Variants in ELOB observed in about 807,000 individuals in gnomAD.
ELOB encodes the protein elongin B.
In ELOB, 3 loss-of-function variants were observed where a neutral mutation model predicts 12.9. The observed-to-expected ratio is 0.23, with a 90% CI of 0.11 to 0.60. The LOEUF is 0.60. Ranked by LOEUF, ELOB falls within the 20% of genes least tolerant of loss-of-function variation. The pLI, the probability that ELOB is intolerant of heterozygous loss-of-function variation, is 0.89. For missense variants in ELOB, 126 were observed against 159.2 expected (o/e 0.79, Z 1.12); for synonymous variants, 84 against 67.4 (o/e 1.25, Z -1.21).
In ELOB at chr16:2,771,947, C is replaced by A; in HGVS notation, c.*43G>T. The A allele has an allele frequency of 6.3e-7, 1 of 1,590,850 alleles. No individual in the cohort carries two copies. The highest frequency in any genetic ancestry group is 1.4e-5 in the African/African-American group (1 of 73,714). On this transcript the variant is annotated 3_prime_UTR_variant, in exon 4 of 4. Coordinates refer to ENST00000409906, the MANE Select transcript of ELOB (RefSeq NM_007108.4). Reference sequence around the variant, plus strand: ...AAAAGAGGCAGCAACCAGGCAGACTCCCAAATCTCTTTTATTGGGGGAAAT... The same window carrying A: ...AAAAGAGGCAGCAACCAGGCAGACTACCAAATCTCTTTTATTGGGGGAAAT...
chr16:2,773,866 G>A (rs1425011825), intron 3 of ELOB, among the ~76,000 whole-genome samples: 1 of 152,192 alleles, frequency 6.6e-6, no homozygotes, highest in East Asian at 1.9e-4. Context: ...CACTTCTGGG[G>A]GAACACAGCC....
chr16:2,771,930 C>T lies in ELOB; in HGVS notation c.*60G>A, dbSNP rs903227708. 5.1e-6 allele frequency: 8 copies of T among 1,560,224 alleles called. No homozygotes were observed. The African/African-American group carries it at 1.1e-4, about 21-fold the overall frequency. On this transcript the variant is annotated 3_prime_UTR_variant, in exon 4 of 4. Coordinates refer to ENST00000409906, the MANE Select transcript of ELOB (RefSeq NM_007108.4). ...CCCAGGGAGGGGCGGGAAAAAGAGG[C>T]AGCAACCAGGCAGACTCCCAAATCT...
chr16:2,775,455 C>G lies in ELOB; in HGVS notation c.240G>C (p.Arg80=), dbSNP rs781371700. 1.1e-5 allele frequency: 17 copies of G among 1,599,412 alleles called. No individual in the cohort carries two copies. The African/African-American group carries it at 1.5e-4, about 14-fold the overall frequency. ...QAPATVGLAF[R]ADDTFEALCI... ...AGTGGGTGGTGGGCCTCTCACCTGC[C>G]CGGAAGGCCAGCCCCACTGTGGCTG... is the stretch of plus-strand genomic sequence containing the variant. Residue 80 remains arginine, a synonymous_variant, in exon 3 of 4, where the codon CGG becomes CGC. Coordinates refer to ENST00000409906, the MANE Select transcript of ELOB (RefSeq NM_007108.4).
intron 2 of ELOB, 187 bp from the exon 3 acceptor site, chr16:2,775,743 C>T (rs2068795972): frequency 2.1e-6 from 1 of 486,536 alleles, no homozygotes; most frequent in Non-Finnish European, 3.6e-6. Flanking sequence ...AAATCAAAAC[C>T]TCCCAGGGTG....
In ELOB at chr16:2,771,475, C is replaced by T. The variant is rs1007909655; in HGVS notation, c.*515G>A. 1 of 1,614,212 alleles carries T rather than the reference C, an allele frequency of 6.2e-7. No individual in the cohort carries two copies. Among genetic ancestry groups the T allele is most frequent in the Non-Finnish European group, 8.5e-7 (1 of 1,180,024 alleles). On this transcript the variant is annotated 3_prime_UTR_variant, in exon 4 of 4. Transcript: ENST00000409906. ...GGGCAGCCACTTCCCTCCGTGATTA[C>T]AGCCCCCAGCGTGGGTGGACCTGTG... is the stretch of plus-strand genomic sequence containing the variant.
chr16:2,772,538 CAAAAAAAAAA>C (rs34936144), intron 3 of ELOB: 4 of 71,732 alleles, frequency 5.6e-5, no homozygotes, highest in Non-Finnish European at 8.3e-5. Context: ...ACTAAAAATA[CAAAAAAAAAA>C]AAAAAAAAAA....
Position 2,771,958 on chromosome 16 carries a change from T to C in ELOB, c.*32A>G, listed in dbSNP as rs1278425101. 3.2e-6 allele frequency: 5 copies of C among 1,581,748 alleles called. No homozygotes were observed. Among genetic ancestry groups the C allele is most frequent in the Admixed American group, 1.9e-5 (1 of 53,782 alleles). On this transcript the variant is annotated 3_prime_UTR_variant, in exon 4 of 4. Transcript: ENST00000409906. ...CAACCAGGCAGACTCCCAAATCTCT[T>C]TTATTGGGGGAAATGGGCCTCTTGG...
chr16:2,772,042 A>C lies in ELOB; in HGVS notation c.305T>G (p.Val102Gly). Residue 102 changes from valine (V) to glycine (G), a missense_variant, in exon 4 of 4, where the codon GTG becomes GGG. Val to Gly is a moderately radical substitution (Grantham distance 109, BLOSUM62 -3). Coordinates refer to ENST00000409906, the MANE Select transcript of ELOB (RefSeq NM_007108.4). Reference sequence around the variant, plus strand: ...GCTTCCCGAGTCCTGGGGCTTCATCACATCGGGCAGCTCTGGCGGGCTGGA... The same window carrying C: ...GCTTCCCGAGTCCTGGGGCTTCATCCCATCGGGCAGCTCTGGCGGGCTGGA... ...PFSSPPELPDVMKPQDSGSSA... is the reference protein window; with the variant it reads ...PFSSPPELPDGMKPQDSGSSA... 6.2e-7 allele frequency: 1 copy of C among 1,613,386 alleles called. No homozygotes were observed. The highest frequency in any genetic ancestry group is 8.5e-7 in the Non-Finnish European group (1 of 1,179,638).
At position 2,776,970 on chromosome 16, in the gene ELOB, C is replaced by T; in HGVS notation, c.138+23G>A. On this transcript the variant is annotated intron_variant, in intron 2 of 3. Transcript: ENST00000409906. Reference sequence around the variant, plus strand: ...TGCCCGGCGCCGGGTACCCGCTCCCCTCGGCCCGCCCGCGGGACCCACCTT... The same window carrying T: ...TGCCCGGCGCCGGGTACCCGCTCCCTTCGGCCCGCCCGCGGGACCCACCTT... The T allele has an allele frequency of 2.6e-6, 4 of 1,548,414 alleles. No homozygotes were observed. The East Asian group carries it at 7.3e-5, about 28-fold the overall frequency.
In ELOB at chr16:2,771,499, T is replaced by G. The variant is rs2068746930; in HGVS notation, c.*491A>C. On this transcript the variant is annotated 3_prime_UTR_variant, in exon 4 of 4. Coordinates refer to ENST00000409906, the MANE Select transcript of ELOB (RefSeq NM_007108.4). ...ACAGCCCCCAGCGTGGGTGGACCTGTGTGGGTCCGTCTTGGGGTTCCCTCG... is the reference window on the plus strand; with the variant it reads ...ACAGCCCCCAGCGTGGGTGGACCTGGGTGGGTCCGTCTTGGGGTTCCCTCG... 3 of 1,614,214 alleles carry G rather than the reference T, an allele frequency of 1.9e-6. No homozygotes were observed. Among genetic ancestry groups the G allele is most frequent in the Admixed American group, 1.7e-5 (1 of 60,022 alleles).
At chr16:2,777,170 C>A (rs542432329) in intron 1 of ELOB, 43 bp from the exon 2 acceptor site, 255 of 1,175,916 alleles carry the variant, frequency 2.2e-4, no homozygotes, top group Admixed American at 1.0e-3. Flanking sequence ...CCGGGCCCCC[C>A]GCGCGGCCCA....
chr16:2,772,847 C>G (rs540798564), intron 3 of ELOB, among the ~76,000 whole-genome samples: 5 of 52,938 alleles, frequency 9.4e-5, no homozygotes, highest in African/African-American at 3.2e-4. Flanking sequence ...GGCTCTGGCT[C>G]TCTATGTTCT....
At chr16:2,776,859 G>C (rs1394737546) in intron 2 of ELOB, 134 bp downstream of exon 2, 1 of 1,249,120 alleles carries the variant, frequency 8.0e-7, no homozygotes, top group Non-Finnish European at 1.1e-6. Flanking sequence ...CCCGCACAAC[G>C]GATGTCCCAG....
chr16:2,775,468 C>T lies in ELOB; in HGVS notation c.227G>A (p.Gly76Glu). The T allele has an allele frequency of 6.2e-7, 1 of 1,603,828 alleles. No homozygotes were observed. Among genetic ancestry groups the T allele is most frequent in the Non-Finnish European group, 8.5e-7 (1 of 1,179,468 alleles). ...CCTCTCACCTGCCCGGAAGGCCAGC[C>T]CCACTGTGGCTGGGGCCTGTGGCCG... ...TARPQAPATV[G>E]LAFRADDTFE... The change falls in exon 3 of 4, where the codon GGG becomes GAG. Residue 76 changes from glycine (G) to glutamate (E), a missense_variant. Coordinates refer to ENST00000409906, the MANE Select transcript of ELOB (RefSeq NM_007108.4).
intron 2 of ELOB, 121 bp downstream of exon 2, chr16:2,776,872 C>A (rs1186579158): frequency 4.4e-6 from 6 of 1,361,034 alleles, no homozygotes; most frequent in East Asian, 3.0e-5. Context: ...TGTCCCAGTC[C>A]CGCGGCTCGG....
rs909812403 is a variant in ELOB, at chr16:2,771,855, G to C, written c.*135C>G. 4.1e-6 allele frequency: 6 copies of C among 1,461,346 alleles called. No individual in the cohort carries two copies. Among genetic ancestry groups the C allele is most frequent in the Non-Finnish European group, 5.4e-6 (6 of 1,107,810 alleles). The allele number at this position is 1,461,346 out of a possible 1,614,324, so 90.5% of individuals were successfully genotyped here. A position where few individuals can be genotyped will look rare whatever the true frequency, so the allele number is the denominator to read the frequency against. On this transcript the variant is annotated 3_prime_UTR_variant, in exon 4 of 4. Transcript: ENST00000409906. ...GGATCTGGGAGACAGGACAGCACAG[G>C]AACTGCCAAGCACAAGCCCCAAAAG...
At chr16:2,775,419 C>T in intron 3 of ELOB, 32 bp downstream of exon 3, 1 of 1,521,196 alleles carries the variant, frequency 6.6e-7, no homozygotes. Context: ...TGCTTGGCTA[C>T]CACCCAGCCC....
At position 2,771,905 on chromosome 16, in the gene ELOB, C is replaced by T; in HGVS notation, c.*85G>A. ...GGAGCCCACAGGGAGTGGGACCCAT[C>T]CCAGGGAGGGGCGGGAAAAAGAGGC... On this transcript the variant is annotated 3_prime_UTR_variant, in exon 4 of 4. Transcript: ENST00000409906. The T allele has an allele frequency of 6.6e-7, 1 of 1,521,790 alleles. No homozygotes were observed. 94.3% of individuals were successfully genotyped at this position (1,521,790 alleles called of 1,614,324 possible). A position where few individuals can be genotyped will look rare whatever the true frequency, so the allele number is the denominator to read the frequency against.
In ELOB at chr16:2,771,583, C is replaced by T. The variant is rs200070374; in HGVS notation, c.*407G>A. On this transcript the variant is annotated 3_prime_UTR_variant, in exon 4 of 4. Coordinates refer to ENST00000409906, the MANE Select transcript of ELOB (RefSeq NM_007108.4). The stretch of plus-strand genomic sequence containing the variant: ...AGCTTGTGTTTCTGCTCTTGGCCAT[C>T]GTCTGGGAGTGGACATGCAGGCTAT... 726 of 1,613,994 alleles carry T rather than the reference C, an allele frequency of 4.5e-4. No homozygotes were observed. The highest frequency in any genetic ancestry group is 5.6e-4 in the Non-Finnish European group (662 of 1,179,994).
Sources: gnomAD v4.1 joint callset for allele counts (sites outside exome capture counted in the v4.1 genomes callset) on GRCh38, gnomAD v4.1.1 for gene constraint, MANE v1.5 for transcripts, NCBI Gene and HGNC (gene_info 2026-07-23, HGNC 2026-07-21) for gene names.